PAFAH2: variants seen among roughly 807,000 people sequenced by gnomAD.
The protein encoded by PAFAH2 is platelet-activating factor acetylhydrolase 2, cytoplasmic.
In PAFAH2, 42 loss-of-function variants were observed where a neutral mutation model predicts 49.0. The ratio of observed to expected loss-of-function variants is 0.86; its 90% CI spans 0.67 to 1.11. The LOEUF is 1.11. Ranked by LOEUF, PAFAH2 falls within the 50% of genes least tolerant of loss-of-function variation. PAFAH2 has a pLI of 0.00. For synonymous variants in PAFAH2, 184 were observed against 181.3 expected, an observed-to-expected ratio of 1.01 and a Z score of -0.12; for missense variants, 503 against 501.8, an observed-to-expected ratio of 1.00 and a Z score of -0.02.
intron 5 of PAFAH2, 101 bp from the exon 6 acceptor site, chr1:25,984,188 C>A: frequency 7.2e-7 from 1 of 1,394,828 alleles, no homozygotes; most frequent in South Asian, 1.2e-5. Context: ...TCTAGATCAC[C>A]CTTTGGCTAG....
chr1:25,980,781 G>C (rs191789469), intron 7 of PAFAH2, among the ~76,000 whole-genome samples: 3 of 151,954 alleles, frequency 2.0e-5, no homozygotes, highest in Admixed American at 6.6e-5. Flanking sequence ...ACTTTGTGAG[G>C]CCAAGGCAGG....
chr1:25,990,162 G>C (rs991891073), intron 2 of PAFAH2, among the ~76,000 whole-genome samples: 1 of 152,152 alleles, frequency 6.6e-6, no homozygotes, highest in Non-Finnish European at 1.5e-5. Flanking sequence ...AGCACTTTGG[G>C]AAGCCGAGGT....
At chr1:25,983,521 C>T (rs1371862036) in intron 6 of PAFAH2, among the ~76,000 whole-genome samples, 3 of 149,842 alleles carry the variant, frequency 2.0e-5, no homozygotes, top group Non-Finnish European at 4.4e-5. Flanking sequence ...CATGCCACTG[C>T]ACTCCAATCT....
intron 10 of PAFAH2, among the ~76,000 whole-genome samples, chr1:25,971,557 G>A (rs988512327): frequency 6.6e-6 from 1 of 152,154 alleles, no homozygotes; most frequent in Non-Finnish European, 1.5e-5. Flanking sequence ...AAGAAAAAGA[G>A]ATGTCGTGAG....
intron 5 of PAFAH2, 114 bp downstream of exon 5, chr1:25,984,346 G>A: frequency 1.2e-6 from 1 of 838,370 alleles, no homozygotes. Flanking sequence ...TTTAAAAGTG[G>A]TATAATGCTG....
intron 10 of PAFAH2, among the ~76,000 whole-genome samples, chr1:25,970,616 C>G (rs1389735842): frequency 6.6e-6 from 1 of 152,142 alleles, no homozygotes; most frequent in African/African-American, 2.4e-5. Context: ...GAGACGGTAT[C>G]ACTCTGTTGC....
intron 10 of PAFAH2, among the ~76,000 whole-genome samples, chr1:25,964,569 A>C (rs2049392594): frequency 6.6e-6 from 1 of 152,178 alleles, no homozygotes; most frequent in Non-Finnish European, 1.5e-5. Context: ...AACAAACAAA[A>C]ATATCAGTAG....
intron 2 of PAFAH2, 52 bp downstream of exon 2, chr1:25,990,674 AC>A: frequency 7.1e-7 from 1 of 1,416,500 alleles, no homozygotes; most frequent in South Asian, 1.2e-5. Context: ...TCAGTAAGTC[AC>A]GGTGCCGGCA....
At chr1:25,994,018 T>C (rs77984111) in intron 1 of PAFAH2, among the ~76,000 whole-genome samples, 1,663 of 152,100 alleles carry the variant, frequency 0.011, 32 homozygotes, top group African/African-American at 0.038. Flanking sequence ...GTGACCAGAT[T>C]TGGGGAGGAG....
chr1:25,990,299 A>T (rs1384956774), intron 2 of PAFAH2, among the ~76,000 whole-genome samples: 3 of 152,150 alleles, frequency 2.0e-5, no homozygotes, highest in African/African-American at 7.2e-5. Flanking sequence ...AGGGGAAAAC[A>T]GATCAAGGCA....
chr1:25,983,303 G>A (rs1223242570), intron 6 of PAFAH2, among the ~76,000 whole-genome samples: 5 of 152,038 alleles, frequency 3.3e-5, no homozygotes, highest in African/African-American at 9.7e-5. Context: ...AGGGTCACTC[G>A]AGCCTAGGAG....
chr1:25,984,425 T>C, intron 5 of PAFAH2, 35 bp downstream of exon 5: 2 of 1,551,102 alleles, frequency 1.3e-6, no homozygotes, highest in Non-Finnish European at 1.8e-6. Context: ...CCTAGCTCAC[T>C]GCAGGCACCC....
chr1:25,970,814 G>A (rs144469762), intron 10 of PAFAH2, among the ~76,000 whole-genome samples: 14 of 152,016 alleles, frequency 9.2e-5, no homozygotes, highest in African/African-American at 1.2e-4. Context: ...TCTCAAACCC[G>A]TGGCCTCAAG....
intron 9 of PAFAH2, 57 bp from the exon 10 acceptor site, chr1:25,972,769 T>C: frequency 1.9e-6 from 3 of 1,578,286 alleles, no homozygotes; most frequent in Non-Finnish European, 2.6e-6. Flanking sequence ...TACAGATGTG[T>C]GTTAGGCACC....
intron 10 of PAFAH2, among the ~76,000 whole-genome samples, chr1:25,965,933 AAAAAAAG>A (rs1416618161): frequency 6.6e-6 from 1 of 151,746 alleles, no homozygotes. Context: ...AACTGGACTC[AAAAAAAG>A]AAAAAAGTGG....
At chr1:25,990,264 G>A (rs1378586781) in intron 2 of PAFAH2, among the ~76,000 whole-genome samples, 1 of 152,104 alleles carries the variant, frequency 6.6e-6, no homozygotes, top group Non-Finnish European at 1.5e-5. Flanking sequence ...ATAAGATAGA[G>A]GACCAGTCCA....
Position 25,984,013 on chromosome 1 carries a change from T to A in PAFAH2, c.485A>T (p.Gln162Leu). The A allele has an allele frequency of 6.2e-7, 1 of 1,614,192 alleles. No homozygotes were observed. The highest frequency in any genetic ancestry group is 1.7e-5 in the Admixed American group (1 of 60,024). ...TCGACGGAAAGGGATCCATTCCTCC[T>A]GCAGCGATTCATTGGTGGGCTGGTT... ...EENQPTNESL[Q>L]EEWIPFRRVE... Residue 162 changes from glutamine to leucine, a missense_variant, in exon 6 of 11, where the codon CAG becomes CTG. Transcript: ENST00000374282.
chr1:25,976,660 G>GC (rs755215362), intron 8 of PAFAH2, 22 bp downstream of exon 8: 1 of 1,558,804 alleles, frequency 6.4e-7, no homozygotes, highest in Non-Finnish European at 8.9e-7. Context: ...GCTAAGCACA[G>GC]CAACACTACT....
At chr1:25,971,493 T>G (rs1257156) in intron 10 of PAFAH2, among the ~76,000 whole-genome samples, 22,311 of 151,668 alleles carry the variant, frequency 0.15, 2,021 homozygotes, top group East Asian at 0.21. Flanking sequence ...AATAAACAGC[T>G]GCTATCAGTG....
Sources: gnomAD v4.1 joint callset for allele counts (sites outside exome capture counted in the v4.1 genomes callset) on GRCh38, gnomAD v4.1.1 for gene constraint, MANE v1.5 for transcripts, NCBI Gene and HGNC (gene_info 2026-07-23, HGNC 2026-07-21) for gene names.